GLRA2: variants seen among roughly 807,000 people sequenced by gnomAD.
GLRA2 encodes glycine receptor subunit alpha-2.
Under a neutral mutation model 31.6 loss-of-function variants are expected in GLRA2, and 11 were observed. The ratio of observed to expected loss-of-function variants is 0.35; its 90% CI spans 0.22 to 0.58. The LOEUF is 0.58. Among genes scored for constraint, GLRA2 ranks in the 20% least tolerant of loss-of-function variants. The probability of loss-of-function intolerance (pLI) is 0.84; values close to 1 mark genes in which losing one functional copy is unlikely to be tolerated. For missense variants in GLRA2, 212 were observed against 351.8 expected (o/e 0.60, Z 3.18); for synonymous variants, 132 against 134.0 (o/e 0.99, Z 0.10).
the GLRA2 span, among the ~76,000 whole-genome samples, chrX:14,481,409 A>G: frequency 9.0e-6 from 1 of 111,165 alleles, no homozygotes; most frequent in Non-Finnish European, 1.9e-5. Context: ...TATCTCATTG[A>G]GGTCAATAGC....
At chrX:14,676,578 G>T (rs2091147933) in intron 7 of GLRA2, among the ~76,000 whole-genome samples, 1 of 111,924 alleles carries the variant, frequency 8.9e-6, no homozygotes, top group South Asian at 3.8e-4. Context: ...TCACATGGAA[G>T]TGCCTTGCCC....
chrX:14,717,940 A>G (rs1383470090), intron 8 of GLRA2, among the ~76,000 whole-genome samples: 1 of 111,253 alleles, frequency 9.0e-6, no homozygotes, highest in East Asian at 2.8e-4. Flanking sequence ...TAGGCTGATG[A>G]GTAAATGTGA....
chrX:14,646,793 G>T lies in GLRA2; in HGVS notation c.930+37588G>T, dbSNP rs781752088. ...AGAGAGAATCAATTAGTGGAGAAAGGTATGTATCCCAGTGGCAATAATTTC... is the reference window on the plus strand; with the variant it reads ...AGAGAGAATCAATTAGTGGAGAAAGTTATGTATCCCAGTGGCAATAATTTC... On this transcript the variant is annotated intron_variant, in intron 7 of 8. Coordinates refer to ENST00000218075, the MANE Select transcript of GLRA2 (RefSeq NM_002063.4). Among the ~76,000 whole-genome samples, 3 of 111,453 alleles carry T rather than the reference G, an allele frequency of 2.7e-5. No individual in the cohort carries two copies. In the South Asian group the frequency reaches 1.1e-3, roughly 42 times the overall value.
chrX:14,668,328 T>C (rs142511658), intron 7 of GLRA2, among the ~76,000 whole-genome samples: 216 of 112,316 alleles, frequency 1.9e-3, no homozygotes, highest in Non-Finnish European at 3.0e-3. Context: ...ACATTGTATT[T>C]GTTAGAAACA....
At chrX:14,479,553 G>A in the GLRA2 span, among the ~76,000 whole-genome samples, 2 of 111,152 alleles carry the variant, frequency 1.8e-5, no homozygotes, top group East Asian at 5.7e-4. Context: ...TCTCCAAGTA[G>A]TCCCAATTTC....
intron 2 of GLRA2, among the ~76,000 whole-genome samples, chrX:14,571,931 A>G (rs1261436463): frequency 1.8e-5 from 2 of 111,834 alleles, no homozygotes; most frequent in African/African-American, 6.5e-5. Flanking sequence ...TGGAATCAGA[A>G]TGATGAGACA....
At chrX:14,649,821 G>A (rs189387166) in intron 7 of GLRA2, among the ~76,000 whole-genome samples, 2 of 111,657 alleles carry the variant, frequency 1.8e-5, no homozygotes, top group East Asian at 5.6e-4. Flanking sequence ...TAAAAAACAT[G>A]GAGTTTAAAA....
At chrX:14,572,420 G>A (rs2089896739) in intron 2 of GLRA2, among the ~76,000 whole-genome samples, 1 of 112,182 alleles carries the variant, frequency 8.9e-6, no homozygotes, top group Admixed American at 9.5e-5. Context: ...TTTCATTGTG[G>A]AGAGAAAGGG....
At chrX:14,462,481 C>T in the GLRA2 span, among the ~76,000 whole-genome samples, 8 of 112,039 alleles carry the variant, frequency 7.1e-5, no homozygotes, top group African/African-American at 2.6e-4. Context: ...CTTTCACGTA[C>T]ACCAATCAAA....
the GLRA2 span, among the ~76,000 whole-genome samples, chrX:14,477,976 C>G: frequency 9.1e-6 from 1 of 110,314 alleles, no homozygotes; most frequent in Non-Finnish European, 1.9e-5. Flanking sequence ...ATTGGAATTG[C>G]AATTCCAATT....
intron 7 of GLRA2, among the ~76,000 whole-genome samples, chrX:14,666,260 T>C (rs1032851003): frequency 1.1e-4 from 12 of 112,262 alleles, no homozygotes; most frequent in Non-Finnish European, 2.3e-4. Flanking sequence ...AATGGATCTC[T>C]AGCATTTGAG....
At position 14,730,200 on chromosome X, in the gene GLRA2, C is replaced by A. The variant is rs774322581; in HGVS notation, c.1081-7C>A. 1 of 1,186,756 alleles carries A rather than the reference C, an allele frequency of 8.4e-7. No homozygotes were observed. The highest frequency in any genetic ancestry group is 1.1e-6 in the Non-Finnish European group (1 of 875,243). ...AATCTGTGCTTCCTCTGTCTTTATTCCGTCAGGAAGAAGACGTTACTCGTG... is the reference window on the plus strand; with the variant it reads ...AATCTGTGCTTCCTCTGTCTTTATTACGTCAGGAAGAAGACGTTACTCGTG... On this transcript the variant is annotated splice_polypyrimidine_tract_variant and splice_region_variant and intron_variant, in intron 8 of 8. Transcript: ENST00000218075.
chrX:14,554,155 C>T (rs780638983), intron 2 of GLRA2, among the ~76,000 whole-genome samples: 1 of 112,341 alleles, frequency 8.9e-6, no homozygotes, highest in Non-Finnish European at 1.9e-5. Flanking sequence ...AATTTGAGCA[C>T]TTGTAAACAC....
chrX:14,508,012 C>G, the GLRA2 span, among the ~76,000 whole-genome samples: 6 of 111,238 alleles, frequency 5.4e-5, no homozygotes, highest in Admixed American at 5.7e-4. Flanking sequence ...TATTCAATGA[C>G]TTCTCCTTTT....
intron 2 of GLRA2, among the ~76,000 whole-genome samples, chrX:14,558,526 C>G (rs1233650693): frequency 1.8e-5 from 2 of 111,638 alleles, no homozygotes; most frequent in African/African-American, 6.5e-5. Context: ...GCCTGATTTT[C>G]CTGTATAATT....
chrX:14,468,413 G>A, the GLRA2 span, among the ~76,000 whole-genome samples: 2 of 111,723 alleles, frequency 1.8e-5, no homozygotes, highest in Middle Eastern at 9.3e-3. Flanking sequence ...TTTATTAGTG[G>A]CAAGCTTCTT....
At chrX:14,651,136 A>G (rs1406274617) in intron 7 of GLRA2, among the ~76,000 whole-genome samples, 1 of 112,098 alleles carries the variant, frequency 8.9e-6, no homozygotes, top group Non-Finnish European at 1.9e-5. Context: ...TTGTACAAAC[A>G]TGAATATATT....
the GLRA2 span, among the ~76,000 whole-genome samples, chrX:14,490,494 A>C: frequency 8.9e-6 from 1 of 112,538 alleles, no homozygotes; most frequent in Non-Finnish European, 1.9e-5. Context: ...TAAAGTTGGA[A>C]CAGCAGGAAC....
intron 4 of GLRA2, among the ~76,000 whole-genome samples, chrX:14,587,739 G>T (rs1213981717): frequency 9.0e-6 from 1 of 111,235 alleles, no homozygotes; most frequent in Admixed American, 9.6e-5. Context: ...TCTGTAACTT[G>T]TCTGTTTACT....
Sources: allele counts gnomAD v4.1 joint callset (sites outside exome capture counted in the v4.1 genomes callset), GRCh38; gene constraint gnomAD v4.1.1; transcripts MANE v1.5; gene names NCBI Gene and HGNC (gene_info 2026-07-23, HGNC 2026-07-21).